MYT1L: variants seen among roughly 807,000 people sequenced by gnomAD.
MYT1L encodes the protein myelin transcription factor 1-like protein.
Under a neutral mutation model 126.7 loss-of-function variants are expected in MYT1L, and 12 were observed. The ratio of observed to expected loss-of-function variants is 0.09; its 90% CI spans 0.06 to 0.15. The LOEUF (loss-of-function observed/expected upper bound fraction) is 0.15, where lower values mean the gene tolerates loss of function less well. Ranked by LOEUF, MYT1L falls within the 10% of genes least tolerant of loss-of-function variation. The pLI, the probability that MYT1L is intolerant of heterozygous loss-of-function variation, is 1.00. For synonymous variants in MYT1L, 541 were observed against 604.2 expected (o/e 0.90, Z 1.53); for missense variants, 979 against 1,585.2 (o/e 0.62, Z 6.49).
At chr2:1,861,996 G>GATCTGCCTGCAGCCTCTGT (rs1553273059) in intron 18 of MYT1L, among the ~76,000 whole-genome samples, 4 of 152,114 alleles carry the variant, frequency 2.6e-5, no homozygotes, top group African/African-American at 7.2e-5. Context: ...TGTAATCCTG[G>GATCTGCCTGCAGCCTCTGT]AATTCGCTGA....
chr2:2,057,551 T>C (rs989477460), intron 3 of MYT1L, among the ~76,000 whole-genome samples: 1 of 152,078 alleles, frequency 6.6e-6, no homozygotes, highest in Non-Finnish European at 1.5e-5. Context: ...TCTTTTTTCA[T>C]AACCAAGCCC....
At position 2,129,905 on chromosome 2, in the gene MYT1L, C is replaced by CAA. The variant is rs11417173; in HGVS notation, c.-304+42965_-304+42966dup. On this transcript the variant is annotated intron_variant, in intron 3 of 24. Transcript: ENST00000647738. ...TGGGCGACAGAGCGAGACTCCATCT[C>CAA]AAAAAAAAAAAAAAAATTAACTTCT... Among the ~76,000 whole-genome samples the CAA allele has an allele frequency of 5.9e-3, 702 of 118,576 alleles. 7 individuals carry two copies. Among genetic ancestry groups the CAA allele is most frequent in the African/African-American group, 0.019 (625 of 33,102 alleles). 77.8% of individuals were successfully genotyped at this position (118,576 alleles called of 152,430 possible).
At chr2:1,842,477 AGAGGCGGC>A (rs1035175240) in intron 19 of MYT1L, 2 of 152,276 alleles carry the variant, frequency 1.3e-5, no homozygotes, top group African/African-American at 4.8e-5. Flanking sequence ...GGAAGAGGAA[AGAGGCGGC>A]GAGGCGAGGG....
At chr2:2,058,510 A>G (rs977933786) in intron 3 of MYT1L, among the ~76,000 whole-genome samples, 2 of 152,226 alleles carry the variant, frequency 1.3e-5, no homozygotes, top group African/African-American at 4.8e-5. Context: ...TTCCCCACGG[A>G]AAAGCTACAT....
intron 2 of MYT1L, among the ~76,000 whole-genome samples, chr2:2,238,732 T>C (rs773487157): frequency 6.6e-6 from 1 of 152,218 alleles, no homozygotes; most frequent in Non-Finnish European, 1.5e-5. Flanking sequence ...ATAAAAACGC[T>C]TTGTGCAATG....
intron 18 of MYT1L, among the ~76,000 whole-genome samples, chr2:1,874,099 C>T (rs988432513): frequency 6.6e-6 from 1 of 151,992 alleles, no homozygotes; most frequent in Non-Finnish European, 1.5e-5. Flanking sequence ...GTTTGCGTGC[C>T]GGCCTGAGAT....
At chr2:2,106,608 A>G (rs953014351) in intron 3 of MYT1L, among the ~76,000 whole-genome samples, 1 of 152,122 alleles carries the variant, frequency 6.6e-6, no homozygotes, top group African/African-American at 2.4e-5. Context: ...ACAGAGTGAG[A>G]CTCCATCTCA....
intron 2 of MYT1L, among the ~76,000 whole-genome samples, chr2:2,199,484 C>T (rs891206582): frequency 6.6e-6 from 1 of 152,104 alleles, no homozygotes; most frequent in Non-Finnish European, 1.5e-5. Flanking sequence ...CTCCTTCCCC[C>T]GAGTCAATGG....
intron 2 of MYT1L, among the ~76,000 whole-genome samples, chr2:2,265,814 C>A (rs946748399): frequency 1.3e-5 from 2 of 152,110 alleles, no homozygotes; most frequent in Admixed American, 1.3e-4. Context: ...TTGACAATGA[C>A]AATGATGGAA....
chr2:1,913,611 G>A (rs570946083), intron 11 of MYT1L, among the ~76,000 whole-genome samples: 2 of 152,236 alleles, frequency 1.3e-5, no homozygotes, highest in South Asian at 2.1e-4. Context: ...AACAGCACAC[G>A]AATGCTTCTC....
rs10522538 is a variant in MYT1L, at chr2:2,275,202, A to ATGTGTGTGTGTG, written c.-421+9190_-421+9201dup. 4.4e-3 allele frequency among the ~76,000 whole-genome samples: 613 copies of ATGTGTGTGTGTG among 139,538 alleles called. 3 individuals are homozygous for ATGTGTGTGTGTG. The highest frequency in any genetic ancestry group is 5.7e-3 in the Non-Finnish European group (366 of 64,624). The allele number at this position is 139,538 out of a possible 152,430, so 91.5% of individuals were successfully genotyped here. A position where few individuals can be genotyped will look rare whatever the true frequency, so the allele number is the denominator to read the frequency against. ...AATTTCAAGAAAATATAATAATAAAATGTGTGTGTGTGTGTGTGTGTGTGT... is the reference window on the plus strand; with the variant it reads ...AATTTCAAGAAAATATAATAATAAAATGTGTGTGTGTGTGTGTGTGTGTGTGTGTGTGTGTGT... On this transcript the variant is annotated intron_variant, in intron 2 of 24. Coordinates refer to ENST00000647738, the MANE Select transcript of MYT1L (RefSeq NM_001303052.2).
In MYT1L at chr2:2,066,274, G is replaced by C. The variant is rs139805000; in HGVS notation, c.-303-12151C>G. On this transcript the variant is annotated intron_variant, in intron 3 of 24. Transcript: ENST00000647738. ...AGAAAAGTTCATATGTCCTTGCTGGGCACCAGGTGTGTTCTAAGAACTTTA... is the reference window on the plus strand; with the variant it reads ...AGAAAAGTTCATATGTCCTTGCTGGCCACCAGGTGTGTTCTAAGAACTTTA... 2.6e-4 allele frequency among the ~76,000 whole-genome samples: 40 copies of C among 152,250 alleles called. 1 individual carries two copies. Among genetic ancestry groups the C allele is most frequent in the African/African-American group, 9.4e-4 (39 of 41,540 alleles).
At chr2:2,005,734 G>GCA (rs1383567283) in intron 4 of MYT1L, among the ~76,000 whole-genome samples, 1 of 147,642 alleles carries the variant, frequency 6.8e-6, no homozygotes, top group African/African-American at 2.5e-5. Flanking sequence ...GTTCTTTCCT[G>GCA]TGTGCCTTCT....
chr2:2,143,061 C>T (rs113141342), intron 3 of MYT1L, among the ~76,000 whole-genome samples: 40 of 150,802 alleles, frequency 2.7e-4, no homozygotes, highest in East Asian at 8.2e-4. Flanking sequence ...GAGGCCGAGG[C>T]GGGCAGATCA....
intron 3 of MYT1L, among the ~76,000 whole-genome samples, chr2:2,093,327 C>CT (rs1227222527): frequency 3.4e-5 from 4 of 119,122 alleles, no homozygotes; most frequent in African/African-American, 6.4e-5. Context: ...GGCGGGGGGG[C>CT]TTTTTTTACT....
intron 21 of MYT1L, chr2:1,827,081 A>C (rs911665342): frequency 6.6e-6 from 1 of 152,342 alleles, no homozygotes; most frequent in South Asian, 2.1e-4. Flanking sequence ...CCAGGACTAG[A>C]GATCACGGCC....
chr2:1,879,540 T>C (rs1041675381), intron 18 of MYT1L, among the ~76,000 whole-genome samples: 1 of 152,128 alleles, frequency 6.6e-6, no homozygotes, highest in Non-Finnish European at 1.5e-5. Flanking sequence ...TGAAGAGACC[T>C]CAAACAATGT....
At chr2:2,077,829 C>T (rs150022750) in intron 3 of MYT1L, among the ~76,000 whole-genome samples, 5 of 152,250 alleles carry the variant, frequency 3.3e-5, no homozygotes, top group South Asian at 2.1e-4. Context: ...GAGCCCCTCA[C>T]GCTGAAATGA....
At chr2:2,128,288 A>T (rs2081966718) in intron 3 of MYT1L, among the ~76,000 whole-genome samples, 1 of 152,246 alleles carries the variant, frequency 6.6e-6, no homozygotes, top group African/African-American at 2.4e-5. Context: ...CTGGGATTAC[A>T]GGCACCCAAC....
Sources: allele counts gnomAD v4.1 joint callset (sites outside exome capture counted in the v4.1 genomes callset), GRCh38; gene constraint gnomAD v4.1.1; transcripts MANE v1.5; gene names NCBI Gene and HGNC (gene_info 2026-07-23, HGNC 2026-07-21).